Variants in EFCAB8 observed in about 807,000 individuals in gnomAD.
The protein encoded by EFCAB8 is EF-hand calcium-binding domain-containing protein 8.
EFCAB8 carries 100 observed loss-of-function variants against 116.3 expected under a neutral mutation model. The observed-to-expected ratio is 0.86, with a 90% CI of 0.73 to 1.02. The LOEUF is 1.02. Ranked by LOEUF, EFCAB8 falls within the 50% of genes least tolerant of loss-of-function variation. The probability of loss-of-function intolerance (pLI) is 0.00; values close to 1 mark genes in which losing one functional copy is unlikely to be tolerated. For synonymous variants in EFCAB8, 558 were observed against 567.9 expected (o/e 0.98, Z 0.25); for missense variants, 1,320 against 1,416.9 (o/e 0.93, Z 1.10).
chr20:32,920,623 C>T (rs1987406688), intron 20 of EFCAB8, among the ~76,000 whole-genome samples: 1 of 152,110 alleles, frequency 6.6e-6, no homozygotes, highest in Non-Finnish European at 1.5e-5. Flanking sequence ...GAGACTTGTT[C>T]ACTATCATGA....
At chr20:32,863,545 C>A (rs6141834) in intron 1 of EFCAB8, among the ~76,000 whole-genome samples, 37,436 of 151,862 alleles carry the variant, frequency 0.25, 6,008 homozygotes, top group African/African-American at 0.46. Context: ...CAGGACAACT[C>A]CTCTCTATCA....
chr20:32,888,875 T>A (rs998097768), intron 6 of EFCAB8, among the ~76,000 whole-genome samples: 1 of 151,606 alleles, frequency 6.6e-6, no homozygotes, highest in Non-Finnish European at 1.5e-5. Flanking sequence ...TTTGAGTAGG[T>A]GCAAACACAC....
At chr20:32,924,251 A>T (rs929817814) in intron 20 of EFCAB8, among the ~76,000 whole-genome samples, 2 of 152,078 alleles carry the variant, frequency 1.3e-5, no homozygotes, top group Non-Finnish European at 2.9e-5. Flanking sequence ...ATTTATAGAG[A>T]TGGAGTCTCC....
Position 32,859,130 on chromosome 20 carries a change from T to C in EFCAB8, c.-11+124T>C, listed in dbSNP as rs185447925. ...TGTGTCCTGGCTGGCTTTCAATGCA[T>C]GTATCCTTAAGTCATCTGCCTCTAC... On this transcript the variant is annotated intron_variant, in intron 1 of 26. Coordinates refer to ENST00000400522, the MANE Select transcript of EFCAB8 (RefSeq NM_001143967.2). 6.3e-3 allele frequency: 2,816 copies of C among 445,340 alleles called. 21 individuals carry two copies. Among genetic ancestry groups the C allele is most frequent in the South Asian group, 8.6e-3 (514 of 60,116 alleles). The allele number at this position is 445,340 out of a possible 1,614,324, so 27.6% of individuals were successfully genotyped here. A position where few individuals can be genotyped will look rare whatever the true frequency, so the allele number is the denominator to read the frequency against.
At chr20:32,918,025 C>T (rs1207380066) in intron 18 of EFCAB8, among the ~76,000 whole-genome samples, 1 of 152,208 alleles carries the variant, frequency 6.6e-6, no homozygotes, top group Non-Finnish European at 1.5e-5. Flanking sequence ...GGGGTTTCCC[C>T]CAGAATAGCT....
Position 32,867,754 on chromosome 20 carries a change from C to T in EFCAB8, c.208+7C>T. 1.9e-6 allele frequency: 3 copies of T among 1,550,408 alleles called. No individual in the cohort carries two copies. Among genetic ancestry groups the T allele is most frequent in the Non-Finnish European group, 2.6e-6 (3 of 1,146,492 alleles). ...GACATCAACTCGACTGGAGGTAAGG[C>T]CGCTCTGTAGGCTCGGTTTTTGTGT... On this transcript the variant is annotated splice_region_variant and intron_variant, in intron 3 of 26. Transcript: ENST00000400522.
At chr20:32,867,792 A>G (rs1464828698) in intron 3 of EFCAB8, 45 bp downstream of exon 3, 1 of 1,536,414 alleles carries the variant, frequency 6.5e-7, no homozygotes. Flanking sequence ...GTTCTGCAAC[A>G]GGGCAGGACC....
At chr20:32,953,913 C>A (rs185188816) in intron 23 of EFCAB8, among the ~76,000 whole-genome samples, 1 of 152,094 alleles carries the variant, frequency 6.6e-6, no homozygotes, top group South Asian at 2.1e-4. Context: ...TGGGTTCAAG[C>A]GATCCTCCTG....
At chr20:32,928,316 C>G (rs1377364508) in intron 20 of EFCAB8, among the ~76,000 whole-genome samples, 1 of 151,554 alleles carries the variant, frequency 6.6e-6, no homozygotes, top group Non-Finnish European at 1.5e-5. Context: ...GCTCACTGCA[C>G]CCTCTGCCTC....
intron 3 of EFCAB8, among the ~76,000 whole-genome samples, chr20:32,869,144 C>CTACAG (rs770588193): frequency 6.6e-6 from 1 of 152,164 alleles, no homozygotes; most frequent in Non-Finnish European, 1.5e-5. Flanking sequence ...GGGAGGCTAC[C>CTACAG]TACAGTTCCT....
chr20:32,928,765 G>A (rs1465638033), intron 20 of EFCAB8, among the ~76,000 whole-genome samples: 1 of 152,128 alleles, frequency 6.6e-6, no homozygotes, highest in Non-Finnish European at 1.5e-5. Context: ...AGTGGCAAAA[G>A]TGGACATTCT....
intron 20 of EFCAB8, among the ~76,000 whole-genome samples, chr20:32,923,715 G>A (rs550888238): frequency 1.3e-5 from 2 of 152,026 alleles, no homozygotes; most frequent in Admixed American, 6.6e-5. Flanking sequence ...GTATTATTCC[G>A]GGACTTGCTG....
intron 20 of EFCAB8, among the ~76,000 whole-genome samples, chr20:32,924,153 A>G (rs1218652645): frequency 1.3e-5 from 2 of 152,194 alleles, no homozygotes; most frequent in African/African-American, 4.8e-5. Flanking sequence ...TCCCAGGCTC[A>G]AGCGATTCTC....
chr20:32,869,195 A>T (rs534269637), intron 3 of EFCAB8, among the ~76,000 whole-genome samples: 1 of 152,188 alleles, frequency 6.6e-6, no homozygotes, highest in East Asian at 1.9e-4. Context: ...TGCAAGGCTC[A>T]AGCCAACAAC....
intron 20 of EFCAB8, among the ~76,000 whole-genome samples, chr20:32,923,737 A>G (rs896996967): frequency 6.6e-6 from 1 of 151,448 alleles, no homozygotes; most frequent in Admixed American, 6.6e-5. Flanking sequence ...TTTTCACTTG[A>G]CTCCTCACGG....
intron 2 of EFCAB8, among the ~76,000 whole-genome samples, chr20:32,864,645 G>T (rs1036465077): frequency 6.6e-6 from 1 of 152,124 alleles, no homozygotes; most frequent in African/African-American, 2.4e-5. Flanking sequence ...CTGATGTACG[G>T]TCTGTACGTG....
intron 4 of EFCAB8, among the ~76,000 whole-genome samples, 151 bp downstream of exon 4, chr20:32,876,195 G>C (rs770323048): frequency 6.6e-6 from 1 of 152,202 alleles, no homozygotes; most frequent in Non-Finnish European, 1.5e-5. Flanking sequence ...TTGCCTGGTG[G>C]AGACGTCCCT....
At chr20:32,886,471 A>G (rs189514531) in intron 6 of EFCAB8, among the ~76,000 whole-genome samples, 87 of 152,276 alleles carry the variant, frequency 5.7e-4, no homozygotes, top group Admixed American at 4.1e-3. Context: ...CCCCAGATGA[A>G]GGGCTTTCTG....
intron 23 of EFCAB8, among the ~76,000 whole-genome samples, chr20:32,948,640 A>G (rs1214687660): frequency 4.6e-5 from 7 of 152,188 alleles, no homozygotes; most frequent in Admixed American, 4.6e-4. Context: ...TAAATACAAA[A>G]TATCTTAACA....
Sources: allele counts gnomAD v4.1 joint callset (sites outside exome capture counted in the v4.1 genomes callset), GRCh38; gene constraint gnomAD v4.1.1; transcripts MANE v1.5; gene names NCBI Gene and HGNC (gene_info 2026-07-23, HGNC 2026-07-21).